SUPT3H: variants seen among roughly 807,000 people sequenced by gnomAD.
SUPT3H encodes SPT3 homolog, SAGA and STAGA complex component, also known as transcription initiation protein SPT3 homolog.
Under a neutral mutation model 44.3 loss-of-function variants are expected in SUPT3H, and 44 were observed. The observed-to-expected ratio is 0.99, with a 90% CI of 0.78 to 1.28. The LOEUF is 1.28. SUPT3H is among the 50% of genes most tolerant of loss of function. The probability of loss-of-function intolerance (pLI) is 0.00; values close to 1 mark genes in which losing one functional copy is unlikely to be tolerated. For synonymous variants in SUPT3H, 124 were observed against 125.6 expected (o/e 0.99, Z 0.09); for missense variants, 380 against 387.1 (o/e 0.98, Z 0.15).
intron 9 of SUPT3H, among the ~76,000 whole-genome samples, chr6:44,945,169 T>TTCA (rs1490379229): frequency 1.3e-5 from 2 of 152,142 alleles, no homozygotes; most frequent in Admixed American, 1.3e-4. Flanking sequence ...ACGAACTGTA[T>TTCA]TCATATGAGA....
chr6:45,012,737 T>TTTG (rs1157453724), intron 5 of SUPT3H, among the ~76,000 whole-genome samples: 1 of 152,046 alleles, frequency 6.6e-6, no homozygotes, highest in Non-Finnish European at 1.5e-5. Flanking sequence ...TATCTAGTAT[T>TTTG]TTGTTGTTGT....
chr6:44,936,387 T>C (rs1771422049), intron 9 of SUPT3H, among the ~76,000 whole-genome samples: 1 of 152,242 alleles, frequency 6.6e-6, no homozygotes, highest in African/African-American at 2.4e-5. Context: ...AGTGTGATTA[T>C]GTTACATGCA....
At chr6:44,870,015 C>T (rs979662645) in intron 10 of SUPT3H, among the ~76,000 whole-genome samples, 1 of 152,174 alleles carries the variant, frequency 6.6e-6, no homozygotes, top group African/African-American at 2.4e-5. Context: ...ACCCAAACAC[C>T]TATAACCAGT....
chr6:44,905,523 G>T (rs201328143), intron 10 of SUPT3H, among the ~76,000 whole-genome samples: 5 of 150,532 alleles, frequency 3.3e-5, no homozygotes, highest in Non-Finnish European at 5.9e-5. Flanking sequence ...GGAAACAACA[G>T]GTGCTGGAGA....
intron 2 of SUPT3H, among the ~76,000 whole-genome samples, chr6:45,160,334 A>G (rs1808730790): frequency 6.6e-6 from 1 of 152,310 alleles, no homozygotes; most frequent in South Asian, 2.1e-4. Flanking sequence ...CAGTAGTCGT[A>G]TAACAGTAGT....
chr6:44,878,091 T>C (rs137960351), intron 10 of SUPT3H, among the ~76,000 whole-genome samples: 1 of 152,344 alleles, frequency 6.6e-6, no homozygotes. Flanking sequence ...GGCCAAACAC[T>C]GAACCCTAGC....
intron 2 of SUPT3H, among the ~76,000 whole-genome samples, chr6:45,249,451 CAA>C (rs563551913): frequency 7.3e-6 from 1 of 136,370 alleles, no homozygotes. Flanking sequence ...AACAGACACA[CAA>C]AAAAAAAAAG....
intron 10 of SUPT3H, among the ~76,000 whole-genome samples, chr6:44,896,104 T>A (rs1764093900): frequency 6.6e-6 from 1 of 152,070 alleles, no homozygotes; most frequent in African/African-American, 2.4e-5. Flanking sequence ...GAGAGTGTGA[T>A]TAGGGGTCCA....
At chr6:44,978,624 G>C (rs1778668960) in intron 6 of SUPT3H, among the ~76,000 whole-genome samples, 1 of 152,158 alleles carries the variant, frequency 6.6e-6, no homozygotes, top group South Asian at 2.1e-4. Context: ...GCTTTAAGTG[G>C]GAACACAGTG....
At chr6:45,049,162 A>G (rs1789884629) in intron 3 of SUPT3H, among the ~76,000 whole-genome samples, 1 of 152,184 alleles carries the variant, frequency 6.6e-6, no homozygotes, top group South Asian at 2.1e-4. Context: ...GTTACTTGTC[A>G]ATTAAAACAA....
At chr6:44,837,079 A>T (rs1479130539) in intron 10 of SUPT3H, among the ~76,000 whole-genome samples, 1 of 152,136 alleles carries the variant, frequency 6.6e-6, no homozygotes, top group Non-Finnish European at 1.5e-5. Context: ...TTTTTTTTAC[A>T]ATCTTGGTTT....
chr6:45,253,133 TAA>T (rs991829716), intron 2 of SUPT3H, among the ~76,000 whole-genome samples: 19 of 152,236 alleles, frequency 1.2e-4, no homozygotes, highest in African/African-American at 3.6e-4. Context: ...TATAAACATA[TAA>T]GTTTATTATT....
chr6:45,093,828 T>C (rs1382787522), intron 3 of SUPT3H, among the ~76,000 whole-genome samples: 2 of 152,122 alleles, frequency 1.3e-5, no homozygotes, highest in African/African-American at 4.8e-5. Flanking sequence ...TTACTAGTTG[T>C]TGAGTAGATT....
intron 2 of SUPT3H, among the ~76,000 whole-genome samples, chr6:45,213,018 A>G (rs1275498147): frequency 6.6e-6 from 1 of 152,214 alleles, no homozygotes; most frequent in Non-Finnish European, 1.5e-5. Flanking sequence ...ACGCAAAAAT[A>G]TACTGGTTTA....
intron 9 of SUPT3H, among the ~76,000 whole-genome samples, chr6:44,944,762 C>CAAAAAAAA (rs57506313): frequency 0.015 from 438 of 29,754 alleles, 71 homozygotes; most frequent in African/African-American, 0.019. Context: ...ACCCTCTCTC[C>CAAAAAAAA]AAAAAAAAAA....
At chr6:44,849,870 C>T (rs1263565295) in intron 10 of SUPT3H, among the ~76,000 whole-genome samples, 5 of 152,156 alleles carry the variant, frequency 3.3e-5, no homozygotes, top group Non-Finnish European at 7.3e-5. Context: ...TATATTTATA[C>T]ATTTATAAAA....
chr6:45,010,517 A>G (rs922023838), intron 5 of SUPT3H, among the ~76,000 whole-genome samples: 2 of 152,144 alleles, frequency 1.3e-5, no homozygotes, highest in East Asian at 1.9e-4. Context: ...CAAATACATC[A>G]TAAACTGGGA....
chr6:45,062,114 T>A (rs1238031257), intron 3 of SUPT3H, among the ~76,000 whole-genome samples: 1 of 151,870 alleles, frequency 6.6e-6, no homozygotes, highest in Non-Finnish European at 1.5e-5. Flanking sequence ...TATCTAGTAT[T>A]TACACTGGCG....
At chr6:45,280,398 CG>C (rs1328969978) in intron 2 of SUPT3H, among the ~76,000 whole-genome samples, 7 of 151,898 alleles carry the variant, frequency 4.6e-5, no homozygotes, top group Non-Finnish European at 7.4e-5. Context: ...CCCAGCTACT[CG>C]GGGGGCTGAC....
Sources: allele counts gnomAD v4.1 joint callset (sites outside exome capture counted in the v4.1 genomes callset), GRCh38; gene constraint gnomAD v4.1.1; transcripts MANE v1.5; gene names NCBI Gene and HGNC (gene_info 2026-07-23, HGNC 2026-07-21).